Variants in KIF13A observed in about 807,000 individuals in gnomAD.
KIF13A encodes kinesin-like protein KIF13A.
KIF13A carries 79 observed loss-of-function variants against 212.2 expected under a neutral mutation model. The ratio of observed to expected loss-of-function variants is 0.37; its 90% confidence interval spans 0.31 to 0.45. KIF13A has a LOEUF of 0.45. KIF13A is among the 20% of genes least tolerant of loss of function. The pLI, the probability that KIF13A is intolerant of heterozygous loss-of-function variation, is 1.00. For missense variants in KIF13A, 1,901 were observed against 2,209.0 expected (o/e 0.86, Z 2.79); for synonymous variants, 789 against 808.6 (o/e 0.98, Z 0.41).
intron 16 of KIF13A, among the ~76,000 whole-genome samples, chr6:17,821,083 ACTC>A (rs1764389892): frequency 6.6e-6 from 1 of 152,080 alleles, no homozygotes; most frequent in Non-Finnish European, 1.5e-5. Flanking sequence ...CTGGTCTCGA[ACTC>A]CTGGCCTCAA....
intron 4 of KIF13A, among the ~76,000 whole-genome samples, chr6:17,859,888 G>C (rs1263488029): frequency 2.6e-5 from 4 of 151,684 alleles, no homozygotes; most frequent in African/African-American, 4.8e-5. Flanking sequence ...ACCCGCCTTG[G>C]CCTCCCAAAG....
At chr6:17,760,701 A>T (rs1016177230), downstream of KIF13A, 3 of 658,244 alleles carry the variant, frequency 4.6e-6, no homozygotes, top group Admixed American at 5.0e-5. Flanking sequence ...AGGGGAAAGG[A>T]GGTGGCCCAG....
chr6:17,957,162 G>A (rs1453256761), intron 2 of KIF13A, among the ~76,000 whole-genome samples: 1 of 152,176 alleles, frequency 6.6e-6, no homozygotes, highest in Non-Finnish European at 1.5e-5. Flanking sequence ...GATTACAAGT[G>A]TGAGCCATCG....
rs1407755160 is a variant in KIF13A, at chr6:17,898,817, T to A, written c.147-637A>T. 6.6e-6 allele frequency among the ~76,000 whole-genome samples: 1 copy of A among 152,158 alleles called. No individual in the cohort carries two copies. The highest frequency in any genetic ancestry group is 2.4e-5 in the African/African-American group (1 of 41,446). On this transcript the variant is annotated intron_variant, in intron 2 of 38. Transcript: ENST00000259711. This position sits in a 1 kb window ranked among gnomAD's most constrained non-coding sequence, Gnocchi z 5.2. ...GACTGAAATTGCACCTGGAAAAAAC[T>A]CTGAAAAGGAAATAGTTTTCTTTCT...
In KIF13A at chr6:17,888,640, A is replaced by G. The variant is rs1445783305; in HGVS notation, c.159+9528T>C. 6.6e-6 allele frequency among the ~76,000 whole-genome samples: 1 copy of G among 152,208 alleles called. No homozygotes were observed. The highest frequency in any genetic ancestry group is 6.5e-5 in the Admixed American group (1 of 15,278). On this transcript the variant is annotated intron_variant, in intron 3 of 38. Coordinates refer to ENST00000259711, the MANE Select transcript of KIF13A (RefSeq NM_022113.6). This position sits in a 1 kb window ranked among gnomAD's most constrained non-coding sequence, Gnocchi z 4.8. ...GGAGTTCGAGACCAGCTTGGCCAAC[A>G]TGGTGAAACCCTGTCTCTACCAAAA...
At position 17,926,348 on chromosome 6, in the gene KIF13A, T is replaced by C. The variant is rs1246471687; in HGVS notation, c.147-28168A>G. ...CCTGGGTTCAAGTGATTCTCGTGCC[T>C]CAGTCTCCCGAGTAGCTGGGATAAC... On this transcript the variant is annotated intron_variant, in intron 2 of 38. Transcript: ENST00000259711. The surrounding 1 kb of genome is among the most constrained non-coding windows in gnomAD (Gnocchi z 4.3). Among the ~76,000 whole-genome samples the C allele has an allele frequency of 6.6e-6, 1 of 152,166 alleles. No homozygotes were observed. Among genetic ancestry groups the C allele is most frequent in the African/African-American group, 2.4e-5 (1 of 41,422 alleles).
chr6:17,800,593 C>T (rs1006147383), intron 20 of KIF13A, among the ~76,000 whole-genome samples: 11 of 132,998 alleles, frequency 8.3e-5, no homozygotes, highest in African/African-American at 1.9e-4. Context: ...CGTGCTACCA[C>T]GCCCAGCTAA....
At chr6:17,827,065 A>G (rs899501117) in intron 14 of KIF13A, among the ~76,000 whole-genome samples, 5 of 144,534 alleles carry the variant, frequency 3.5e-5, no homozygotes, top group Non-Finnish European at 7.7e-5. Context: ...CTGTCTCAAA[A>G]TAAATTAAAA....
At chr6:17,974,035 T>C (rs1216690856) in intron 2 of KIF13A, among the ~76,000 whole-genome samples, 1 of 152,248 alleles carries the variant, frequency 6.6e-6, no homozygotes, top group African/African-American at 2.4e-5. Context: ...AGATGCACTT[T>C]AATTAAATAC....
At chr6:17,935,572 C>T (rs1173467387) in intron 2 of KIF13A, among the ~76,000 whole-genome samples, 1 of 152,178 alleles carries the variant, frequency 6.6e-6, no homozygotes, top group Non-Finnish European at 1.5e-5. Context: ...ACTGCCCCAA[C>T]AGATCCACGA....
intron 4 of KIF13A, among the ~76,000 whole-genome samples, chr6:17,858,140 T>TGA (rs889691928): frequency 7.7e-5 from 11 of 143,008 alleles, no homozygotes; most frequent in African/African-American, 2.0e-4. Context: ...TGTGTGTGTG[T>TGA]GAGAGAGAGA....
intron 3 of KIF13A, among the ~76,000 whole-genome samples, chr6:17,879,841 G>GC (rs1770899859): frequency 6.6e-6 from 1 of 152,132 alleles, no homozygotes; most frequent in Admixed American, 6.5e-5. Context: ...AAGGAGACAT[G>GC]CTTTTCTTAG....
rs1048295748 is a variant in KIF13A, at chr6:17,776,339, C to G, written c.4170+938G>C. Among the ~76,000 whole-genome samples the G allele has an allele frequency of 3.9e-5, 6 of 152,136 alleles. No homozygotes were observed. Among genetic ancestry groups the G allele is most frequent in the Non-Finnish European group, 7.4e-5 (5 of 68,018 alleles). The stretch of plus-strand genomic sequence containing the variant: ...ATAGGGAATTTAGGGCTAATAATTT[C>G]TAGGTACCACTTTAGCTGCATTGCA... On this transcript the variant is annotated intron_variant, in intron 34 of 38. Coordinates refer to ENST00000259711, the MANE Select transcript of KIF13A (RefSeq NM_022113.6). This position sits in a 1 kb window ranked among gnomAD's most constrained non-coding sequence, Gnocchi z 4.6.
rs140304104 is a variant in KIF13A, at chr6:17,863,209, C to T, written c.221-7087G>A. 7.0e-4 allele frequency among the ~76,000 whole-genome samples: 107 copies of T among 152,158 alleles called. 1 individual carries two copies. Among genetic ancestry groups the T allele is most frequent in the African/African-American group, 2.4e-3 (98 of 41,500 alleles). ...AGAGGTCCCATTTAAAAAATATTAC[C>T]GACCAAATATGATGGTGGTGACTCT... On this transcript the variant is annotated intron_variant, in intron 4 of 38. Coordinates refer to ENST00000259711, the MANE Select transcript of KIF13A (RefSeq NM_022113.6).
At chr6:17,917,390 G>A (rs150941461) in intron 2 of KIF13A, among the ~76,000 whole-genome samples, 5,258 of 151,652 alleles carry the variant, frequency 0.035, 316 homozygotes, top group African/African-American at 0.12. Context: ...ACAGGTGCCC[G>A]CCACCACGCC....
chr6:17,844,482 A>G (rs1443869072), intron 9 of KIF13A, among the ~76,000 whole-genome samples: 1 of 152,226 alleles, frequency 6.6e-6, no homozygotes, highest in East Asian at 1.9e-4. Context: ...CCAAAGTTTT[A>G]CAGGATTTAT....
intron 16 of KIF13A, among the ~76,000 whole-genome samples, chr6:17,820,162 C>T (rs1182462286): frequency 6.6e-6 from 1 of 152,172 alleles, no homozygotes; most frequent in East Asian, 1.9e-4. Context: ...TTTGAAACTG[C>T]ACCAGCAGCT....
chr6:17,975,253 T>G (rs1368874868), intron 2 of KIF13A, among the ~76,000 whole-genome samples: 5 of 152,134 alleles, frequency 3.3e-5, no homozygotes, highest in African/African-American at 1.2e-4. Flanking sequence ...CTCGGAAGGC[T>G]CAGGCAGGAG....
chr6:17,968,207 C>T lies in KIF13A; in HGVS notation c.146+18847G>A, dbSNP rs1203975508. Among the ~76,000 whole-genome samples the T allele has an allele frequency of 6.6e-6, 1 of 152,206 alleles. No individual in the cohort carries two copies. The highest frequency in any genetic ancestry group is 2.4e-5 in the African/African-American group (1 of 41,452). On this transcript the variant is annotated intron_variant, in intron 2 of 38. Coordinates refer to ENST00000259711, the MANE Select transcript of KIF13A (RefSeq NM_022113.6). This position sits in a 1 kb window ranked among gnomAD's most constrained non-coding sequence, Gnocchi z 4.7. Reference sequence around the variant, plus strand: ...AGAGAACGAGAAGAACCCAGAGATCCCCGCTTACTCACCAGGAGAAAGAAG... The same window carrying T: ...AGAGAACGAGAAGAACCCAGAGATCTCCGCTTACTCACCAGGAGAAAGAAG...
Sources: gnomAD v4.1 joint callset for allele counts (sites outside exome capture counted in the v4.1 genomes callset) on GRCh38, gnomAD v4.1.1 for gene constraint, Gnocchi (gnomAD v3.1) non-coding constraint, MANE v1.5 for transcripts, NCBI Gene and HGNC (gene_info 2026-07-23, HGNC 2026-07-21) for gene names.